Variants in PEAK1 observed in about 807,000 individuals in gnomAD.
The protein encoded by PEAK1 is inactive tyrosine-protein kinase PEAK1.
Under a neutral mutation model 124.7 loss-of-function variants are expected in PEAK1, and 54 were observed. The observed-to-expected ratio is 0.43, with a 90% CI of 0.35 to 0.54. The LOEUF (loss-of-function observed/expected upper bound fraction) is 0.54. PEAK1 is among the 20% of genes least tolerant of loss of function. The pLI, the probability that PEAK1 is intolerant of heterozygous loss-of-function variation, is 0.01. For missense variants in PEAK1, 2,046 were observed against 2,134.5 expected (o/e 0.96, Z 0.82); for synonymous variants, 719 against 760.0 (o/e 0.95, Z 0.89).
At chr15:77,119,450 T>C (rs1026445146) in intron 9 of PEAK1, among the ~76,000 whole-genome samples, 3 of 152,236 alleles carry the variant, frequency 2.0e-5, no homozygotes, top group Non-Finnish European at 4.4e-5. Context: ...AAGTATCTCA[T>C]GGCTCCTGAG....
downstream of PEAK1, chr15:77,103,357 G>C (rs1167616096): frequency 6.6e-6 from 1 of 152,232 alleles, no homozygotes; most frequent in African/African-American, 2.4e-5. Context: ...ATGTTGCCCA[G>C]GCTGGTCTAA....
chr15:77,325,301 T>C (rs558920293), intron 2 of PEAK1, among the ~76,000 whole-genome samples: 3 of 152,094 alleles, frequency 2.0e-5, no homozygotes, highest in African/African-American at 7.2e-5. Context: ...TCCCAGCTAT[T>C]CAGGAGGCTG....
intron 2 of PEAK1, among the ~76,000 whole-genome samples, chr15:77,338,510 A>C (rs2066333430): frequency 6.6e-6 from 1 of 152,128 alleles, no homozygotes; most frequent in Non-Finnish European, 1.5e-5. Context: ...TTTTGTAAAA[A>C]TTAAGTATTT....
intron 6 of PEAK1, among the ~76,000 whole-genome samples, chr15:77,247,424 G>A (rs1416703930): frequency 6.7e-6 from 1 of 149,310 alleles, no homozygotes; most frequent in Non-Finnish European, 1.5e-5. Context: ...TCTAACCACT[G>A]AGTAATTATA....
At chr15:77,354,860 A>G (rs2096198853) in intron 2 of PEAK1, among the ~76,000 whole-genome samples, 1 of 152,118 alleles carries the variant, frequency 6.6e-6, no homozygotes, top group African/African-American at 2.4e-5. Context: ...TAACACGGTG[A>G]AACCCTGTCT....
rs75868745 is a variant in PEAK1, at chr15:77,166,212, G to A, written c.3138-7516C>T. Among the ~76,000 whole-genome samples the A allele has an allele frequency of 5.7e-3, 860 of 152,176 alleles. 12 individuals are homozygous for A. Among genetic ancestry groups the A allele is most frequent in the Admixed American group, 0.022 (332 of 15,286 alleles). On this transcript the variant is annotated intron_variant, in intron 7 of 9. Transcript: ENST00000682557. Reference sequence around the variant, plus strand: ...GAATGACTGTGTTTCTAGATATTTGGCTTCCTAATAATAATCACTACCACC... The same window carrying A: ...GAATGACTGTGTTTCTAGATATTTGACTTCCTAATAATAATCACTACCACC...
At chr15:77,259,530 A>G (rs777473653) in intron 5 of PEAK1, among the ~76,000 whole-genome samples, 1 of 152,298 alleles carries the variant, frequency 6.6e-6, no homozygotes, top group South Asian at 2.1e-4. Flanking sequence ...ACATCAATGG[A>G]TAAGTGTTAG....
intron 9 of PEAK1, among the ~76,000 whole-genome samples, chr15:77,120,040 G>A (rs1486505730): frequency 6.6e-6 from 1 of 152,188 alleles, no homozygotes; most frequent in African/African-American, 2.4e-5. Context: ...CTAAGTCAGA[G>A]GGATAGGGGG....
rs868235341 is a variant in PEAK1, at chr15:77,347,933, T to C, written c.-603+17230A>G. The C allele has an allele frequency of 2.7e-5, 27 of 985,048 alleles. No individual in the cohort carries two copies. In the African/African-American group the frequency reaches 4.2e-4, roughly 15 times the overall value. The allele number at this position is 985,048 out of a possible 1,614,324, so 61.0% of individuals were successfully genotyped here. A position where few individuals can be genotyped will look rare whatever the true frequency, so the allele number is the denominator to read the frequency against. The stretch of plus-strand genomic sequence containing the variant: ...CCTTAATTGAAGGATAAACTTTATT[T>C]TTAAGCACTGAATGATTCCCAAACA... On this transcript the variant is annotated intron_variant, in intron 2 of 9. Coordinates refer to ENST00000682557, the MANE Select transcript of PEAK1 (RefSeq NM_001385026.1).
intron 7 of PEAK1, among the ~76,000 whole-genome samples, chr15:77,176,863 T>A (rs1043316283): frequency 7.9e-5 from 12 of 152,350 alleles, no homozygotes; most frequent in African/African-American, 2.9e-4. Context: ...TAATCAGGAA[T>A]GACACCATGT....
intron 7 of PEAK1, among the ~76,000 whole-genome samples, chr15:77,167,492 T>C (rs2152801389): frequency 6.6e-6 from 1 of 152,350 alleles, no homozygotes. Flanking sequence ...CATGAACTCA[T>C]CTTAACTTTA....
At chr15:77,116,620 CTT>C (rs2051388727) in intron 9 of PEAK1, among the ~76,000 whole-genome samples, 1 of 151,738 alleles carries the variant, frequency 6.6e-6, no homozygotes, top group Non-Finnish European at 1.5e-5. Flanking sequence ...CTCTCTCTCT[CTT>C]TCTCTTATTC....
Position 77,180,099 on chromosome 15 carries a change from T to C in PEAK1, c.1828A>G (p.Ile610Val), listed in dbSNP as rs1252636803. 6.2e-7 allele frequency: 1 copy of C among 1,614,152 alleles called. No individual in the cohort carries two copies. Among genetic ancestry groups the C allele is most frequent in the Non-Finnish European group, 8.5e-7 (1 of 1,179,994 alleles). The change falls in exon 7 of 10, where the codon ATT becomes GTT. Residue 610 changes from isoleucine (I) to valine (V), a missense_variant. By Grantham distance (29) the Ile-to-Val change is conservative (BLOSUM62 3). Coordinates refer to ENST00000682557, the MANE Select transcript of PEAK1 (RefSeq NM_001385026.1). ...NAGMPPFPII[I>V]HDEPTYARSS... ...CGAGCATAAGTTGGCTCGTCATGAA[T>C]GATAATTGGAAAAGGTGGCATACCA...
chr15:77,350,587 T>C, intron 2 of PEAK1: 2 of 974,140 alleles, frequency 2.1e-6, no homozygotes, highest in Non-Finnish European at 1.2e-6. Context: ...AAATAGTAAG[T>C]ATATGTGTGT....
At chr15:77,285,409 A>C (rs2062873889) in intron 3 of PEAK1, among the ~76,000 whole-genome samples, 1 of 152,190 alleles carries the variant, frequency 6.6e-6, no homozygotes, top group Admixed American at 6.5e-5. Context: ...AAATTCCTTA[A>C]ATGAAAGTAA....
At chr15:77,220,609 C>CA (rs573979572) in intron 6 of PEAK1, among the ~76,000 whole-genome samples, 85 of 144,134 alleles carry the variant, frequency 5.9e-4, no homozygotes, top group African/African-American at 1.6e-3. Context: ...CATCCCCAGG[C>CA]AAAAAAAAAT....
At chr15:77,268,461 G>A (rs34672572) in intron 5 of PEAK1, among the ~76,000 whole-genome samples, 44,360 of 150,154 alleles carry the variant, frequency 0.3, 7,130 homozygotes, top group Middle Eastern at 0.4. Flanking sequence ...ATGACAGAGC[G>A]AGATTCCATC....
chr15:77,408,616 T>C lies in PEAK1; in HGVS notation c.-666+11390A>G, dbSNP rs371415470. On this transcript the variant is annotated intron_variant, in intron 1 of 9. Coordinates refer to ENST00000682557, the MANE Select transcript of PEAK1 (RefSeq NM_001385026.1). The stretch of plus-strand genomic sequence containing the variant: ...GAAGTAGAGAACTGGCATTAGAAGA[T>C]ATTTTCTACTGTTTCTCCAATGCCT... Among the ~76,000 whole-genome samples, 78 of 152,038 alleles carry C rather than the reference T, an allele frequency of 5.1e-4. 3 individuals carry two copies. The South Asian group carries it at 0.016, about 30-fold the overall frequency.
chr15:77,193,189 A>G (rs896666494), intron 6 of PEAK1, among the ~76,000 whole-genome samples: 29 of 152,230 alleles, frequency 1.9e-4, no homozygotes, highest in African/African-American at 6.8e-4. Context: ...ATTCTCACAT[A>G]TAAGAAACAC....
Sources: allele counts gnomAD v4.1 joint callset (sites outside exome capture counted in the v4.1 genomes callset), GRCh38; gene constraint gnomAD v4.1.1; transcripts MANE v1.5; gene names NCBI Gene and HGNC (gene_info 2026-07-23, HGNC 2026-07-21).